The following PCDH15 variants were observed in gnomAD, a reference collection of about 807,000 sequenced individuals.
PCDH15 encodes protocadherin-15.
Under a neutral mutation model 178.5 loss-of-function variants are expected in PCDH15, and 129 were observed. That is an observed-to-expected ratio of 0.72 (90% CI 0.63 to 0.84). PCDH15 has a LOEUF of 0.84. PCDH15 is among the 40% of genes least tolerant of loss of function. The pLI is 0.00. For synonymous variants in PCDH15, 800 were observed against 732.0 expected, an observed-to-expected ratio of 1.09 and a Z score of -1.50; for missense variants, 2,230 against 2,099.9, an observed-to-expected ratio of 1.06 and a Z score of -1.21.
At chr10:55,209,209 G>T (rs548612290) in intron 1 of PCDH15, among the ~76,000 whole-genome samples, 52 of 152,108 alleles carry the variant, frequency 3.4e-4, no homozygotes, top group Admixed American at 1.6e-3. Flanking sequence ...AGTGGAGGCT[G>T]GTGGAATGTG....
intron 3 of PCDH15, among the ~76,000 whole-genome samples, chr10:54,443,219 A>G (rs1161289584): frequency 6.6e-6 from 1 of 151,606 alleles, no homozygotes; most frequent in East Asian, 1.9e-4. Flanking sequence ...TAATCATGAG[A>G]TAAGTCTCCT....
intron 15 of PCDH15, among the ~76,000 whole-genome samples, chr10:54,098,189 G>GTT (rs1031526921): frequency 1.7e-5 from 2 of 115,978 alleles, no homozygotes; most frequent in South Asian, 2.8e-4. Context: ...AGAAAATAAA[G>GTT]TTGTGTGTGT....
At chr10:55,062,771 A>G (rs1841466431) in intron 2 of PCDH15, among the ~76,000 whole-genome samples, 1 of 152,130 alleles carries the variant, frequency 6.6e-6, no homozygotes, top group African/African-American at 2.4e-5. Flanking sequence ...TAGACTCATC[A>G]ATTGCAACAT....
At chr10:54,290,367 G>A (rs533260033) in intron 8 of PCDH15, among the ~76,000 whole-genome samples, 125 of 152,268 alleles carry the variant, frequency 8.2e-4, no homozygotes, top group Non-Finnish European at 1.6e-3. Flanking sequence ...TCACCACCAG[G>A]CCTGCCTTAC....
intron 2 of PCDH15, among the ~76,000 whole-genome samples, chr10:55,002,719 T>C (rs1215303819): frequency 2.6e-5 from 4 of 152,156 alleles, no homozygotes; most frequent in African/African-American, 9.7e-5. Flanking sequence ...ATTCAGTCCC[T>C]GTAGGCCCAA....
intron 2 of PCDH15, among the ~76,000 whole-genome samples, chr10:54,652,370 C>T (rs2094281888): frequency 6.6e-6 from 1 of 152,140 alleles, no homozygotes; most frequent in African/African-American, 2.4e-5. Context: ...GGCAGGGACA[C>T]CTGGAATAGC....
At chr10:55,472,725 C>T (rs574122568) in intron 2 of PCDH15, among the ~76,000 whole-genome samples, 151 of 152,188 alleles carry the variant, frequency 9.9e-4, no homozygotes, top group Admixed American at 3.1e-3. Context: ...CCCGCCACCA[C>T]GCCCGGCTAA....
At chr10:55,570,064 A>G (rs1450624235) in intron 2 of PCDH15, among the ~76,000 whole-genome samples, 2 of 152,152 alleles carry the variant, frequency 1.3e-5, no homozygotes, top group East Asian at 3.9e-4. Flanking sequence ...AACATGGGAT[A>G]GTAAGAAGAG....
In PCDH15 at chr10:55,418,793, A is replaced by C. The variant is rs551253253; in HGVS notation, c.-156+208832T>G. Among the ~76,000 whole-genome samples the C allele has an allele frequency of 4.3e-4, 65 of 151,972 alleles. 1 individual carries two copies. The highest frequency in any genetic ancestry group is 1.5e-3 in the African/African-American group (62 of 41,530). ...TTATCTTTCATGGGAGAGATTTGACAAGTTCTCTTATTGTTGATAAATTAA... is the reference window on the plus strand; with the variant it reads ...TTATCTTTCATGGGAGAGATTTGACCAGTTCTCTTATTGTTGATAAATTAA... On this transcript the variant is annotated intron_variant, in intron 2 of 5. Coordinates refer to the PCDH15 transcript ENST00000613346.
chr10:54,023,946 T>C (rs745726870), intron 18 of PCDH15, among the ~76,000 whole-genome samples: 1 of 152,006 alleles, frequency 6.6e-6, no homozygotes, highest in Admixed American at 6.6e-5. Context: ...ATAAAACAGA[T>C]TTGAAACTAA....
intron 2 of PCDH15, among the ~76,000 whole-genome samples, chr10:55,037,585 A>T (rs11004691): frequency 0.087 from 13,291 of 152,226 alleles, 990 homozygotes; most frequent in African/African-American, 0.2. Context: ...CCATAGTAAA[A>T]TGTCTTTACA....
intron 3 of PCDH15, among the ~76,000 whole-genome samples, chr10:54,827,902 T>C (rs182403401): frequency 1.7e-3 from 254 of 152,196 alleles, no homozygotes; most frequent in African/African-American, 5.7e-3. Flanking sequence ...GAATCAACAA[T>C]ATTTTCCCCA....
In PCDH15 at chr10:54,362,426, G is replaced by A. The variant is rs925016282; in HGVS notation, c.474+6694C>T. Reference sequence around the variant, plus strand: ...ACATAATTTTCTATATACTTGTTATGTCAATATTTACCAAAAAACTTGATT... The same window carrying A: ...ACATAATTTTCTATATACTTGTTATATCAATATTTACCAAAAAACTTGATT... On this transcript the variant is annotated intron_variant, in intron 5 of 37. Transcript: ENST00000644397. 1.4e-4 allele frequency among the ~76,000 whole-genome samples: 22 copies of A among 151,946 alleles called. 1 individual carries two copies. Among genetic ancestry groups the A allele is most frequent in the Non-Finnish European group, 7.4e-5 (5 of 67,946 alleles).
intron 3 of PCDH15, among the ~76,000 whole-genome samples, chr10:54,461,345 AC>A (rs2077154662): frequency 6.6e-6 from 1 of 152,076 alleles, no homozygotes; most frequent in Non-Finnish European, 1.5e-5. Context: ...CATTTTCTTT[AC>A]TTTTTGCAAG....
At chr10:54,690,023 T>C (rs1414718004) in intron 1 of PCDH15, among the ~76,000 whole-genome samples, 1 of 152,126 alleles carries the variant, frequency 6.6e-6, no homozygotes, top group East Asian at 1.9e-4. Context: ...GATCAAGAAA[T>C]TGTATAGTCA....
At chr10:55,007,040 G>GTC (rs1035468233) in intron 2 of PCDH15, among the ~76,000 whole-genome samples, 14 of 152,056 alleles carry the variant, frequency 9.2e-5, no homozygotes, top group African/African-American at 2.2e-4. Context: ...CTCTCTCTAT[G>GTC]TCTCTCTCTC....
chr10:53,935,637 C>T (rs1054349308), intron 25 of PCDH15, among the ~76,000 whole-genome samples: 12 of 152,056 alleles, frequency 7.9e-5, no homozygotes, highest in African/African-American at 1.2e-4. Flanking sequence ...AGAGTAGTTC[C>T]GACAGAGACC....
chr10:54,670,915 T>C (rs367956945), intron 1 of PCDH15, among the ~76,000 whole-genome samples: 6 of 152,258 alleles, frequency 3.9e-5, no homozygotes, highest in African/African-American at 1.4e-4. Flanking sequence ...TTTAGTAAAA[T>C]AACTCCAAAT....
At chr10:54,085,703 A>G (rs2094504621) in intron 16 of PCDH15, among the ~76,000 whole-genome samples, 1 of 152,146 alleles carries the variant, frequency 6.6e-6, no homozygotes, top group African/African-American at 2.4e-5. Flanking sequence ...TTAAAGACCC[A>G]GTTTCTTTCT....
Sources: gnomAD v4.1 joint callset for allele counts (sites outside exome capture counted in the v4.1 genomes callset) on GRCh38, gnomAD v4.1.1 for gene constraint, MANE v1.5 for transcripts, NCBI Gene and HGNC (gene_info 2026-07-23, HGNC 2026-07-21) for gene names.